ULK4: variants seen among roughly 807,000 people sequenced by gnomAD.
ULK4 encodes unc-51 like kinase 4.
Under a neutral mutation model 160.6 loss-of-function variants are expected in ULK4, and 133 were observed. The ratio of observed to expected loss-of-function variants is 0.83; its 90% CI spans 0.72 to 0.96. ULK4 has a LOEUF of 0.96. Ranked by LOEUF, ULK4 falls within the 40% of genes least tolerant of loss-of-function variation. The pLI, the probability that ULK4 is intolerant of heterozygous loss-of-function variation, is 0.00. For synonymous variants in ULK4, 534 were observed against 539.8 expected (o/e 0.99, Z 0.15); for missense variants, 1,580 against 1,499.5 (o/e 1.05, Z -0.89).
chr3:41,871,702 T>C (rs1292824009), intron 17 of ULK4, among the ~76,000 whole-genome samples: 4 of 152,228 alleles, frequency 2.6e-5, no homozygotes, highest in Non-Finnish European at 5.9e-5. Context: ...TTTTTGCTGT[T>C]GAGGTTTGAG....
intron 27 of ULK4, among the ~76,000 whole-genome samples, chr3:41,702,839 T>G (rs1304912400): frequency 6.7e-6 from 1 of 149,510 alleles, no homozygotes; most frequent in Non-Finnish European, 1.5e-5. Flanking sequence ...AAGTTTTTTT[T>G]GTTTGTTTTT....
chr3:41,726,822 A>G (rs929331302), intron 22 of ULK4, among the ~76,000 whole-genome samples: 1 of 152,024 alleles, frequency 6.6e-6, no homozygotes, highest in Non-Finnish European at 1.5e-5. Flanking sequence ...TAATTTTTAT[A>G]TTTTTAATAG....
At position 41,297,310 on chromosome 3, in the gene ULK4, G is replaced by A. The variant is rs2079689912; in HGVS notation, c.3679-47736C>T. On this transcript the variant is annotated intron_variant, in intron 35 of 36. Coordinates refer to ENST00000301831, the MANE Select transcript of ULK4 (RefSeq NM_017886.4). ...ACTGGGCGGGGGGTTGGAGGGACAT[G>A]GCTTCTTCCTGCCACAAATGCTTGG... Among the ~76,000 whole-genome samples, 3 of 152,274 alleles carry A rather than the reference G, an allele frequency of 2.0e-5. 1 individual carries two copies. In the South Asian group the frequency reaches 6.2e-4, roughly 32 times the overall value.
At chr3:41,956,849 G>A (rs1576019632) in intron 1 of ULK4, among the ~76,000 whole-genome samples, 1 of 152,244 alleles carries the variant, frequency 6.6e-6, no homozygotes, top group East Asian at 1.9e-4. Flanking sequence ...TATTGCCTAT[G>A]ACAGAGTTGA....
At chr3:41,481,861 C>T (rs2084338276) in intron 32 of ULK4, among the ~76,000 whole-genome samples, 1 of 150,800 alleles carries the variant, frequency 6.6e-6, no homozygotes, top group Non-Finnish European at 1.5e-5. Flanking sequence ...CAAAAGCATT[C>T]CTAATTTTGC....
intron 17 of ULK4, among the ~76,000 whole-genome samples, chr3:41,847,122 G>A (rs2042087789): frequency 6.6e-6 from 1 of 152,146 alleles, no homozygotes; most frequent in South Asian, 2.1e-4. Context: ...AAGTATGACT[G>A]GGTGGAGCCA....
intron 3 of ULK4, 53 bp downstream of exon 3, chr3:41,938,045 C>T (rs1699833570): frequency 1.0e-5 from 14 of 1,335,574 alleles, no homozygotes; most frequent in African/African-American, 1.5e-5. Context: ...AACTTAACAG[C>T]ATGTTTTTTT....
At chr3:41,561,223 C>T (rs140195850) in intron 32 of ULK4, among the ~76,000 whole-genome samples, 6 of 152,266 alleles carry the variant, frequency 3.9e-5, no homozygotes, top group African/African-American at 7.2e-5. Flanking sequence ...CCAACTTGAT[C>T]GTGTTGGGTA....
At chr3:41,318,649 T>C (rs1458550701) in intron 35 of ULK4, among the ~76,000 whole-genome samples, 1 of 152,190 alleles carries the variant, frequency 6.6e-6, no homozygotes, top group Non-Finnish European at 1.5e-5. Flanking sequence ...CCAGTGCTTG[T>C]GGTGTGTCCT....
chr3:41,945,295 A>G (rs17284313), intron 2 of ULK4, among the ~76,000 whole-genome samples: 3 of 152,194 alleles, frequency 2.0e-5, no homozygotes, highest in Non-Finnish European at 2.9e-5. Context: ...CACTTACATC[A>G]GTTTGGAATC....
In ULK4 at chr3:41,458,274, C is replaced by G. The variant is rs138092167; in HGVS notation, c.3394-2679G>C. Among the ~76,000 whole-genome samples, 635 of 152,228 alleles carry G rather than the reference C, an allele frequency of 4.2e-3. 6 individuals carry two copies. Among genetic ancestry groups the G allele is most frequent in the African/African-American group, 0.011 (441 of 41,544 alleles). ...TGACATTCCTTTGGAACTTGTCATC[C>G]TTTAGTTAAACCATGAGATCCTAGA... On this transcript the variant is annotated intron_variant, in intron 33 of 36. Transcript: ENST00000301831.
At chr3:41,757,598 C>T (rs1391882230) in intron 21 of ULK4, among the ~76,000 whole-genome samples, 5 of 145,014 alleles carry the variant, frequency 3.4e-5, no homozygotes, top group Non-Finnish European at 6.0e-5. Flanking sequence ...TGCCACTACA[C>T]TCCAGCCTGC....
chr3:41,436,399 T>C (rs17057270), intron 34 of ULK4, among the ~76,000 whole-genome samples: 14,826 of 152,232 alleles, frequency 0.097, 1,328 homozygotes, highest in East Asian at 0.54. Context: ...TACTATATTG[T>C]AGTACATAGT....
chr3:41,949,337 A>AC (rs1485286785), intron 2 of ULK4, among the ~76,000 whole-genome samples: 4,695 of 150,502 alleles, frequency 0.031, 114 homozygotes, highest in Non-Finnish European at 0.05. Context: ...CACACACACA[A>AC]AAAGTAAAGT....
chr3:41,922,069 C>T (rs1174413398), intron 5 of ULK4, among the ~76,000 whole-genome samples: 1 of 152,118 alleles, frequency 6.6e-6, no homozygotes, highest in Non-Finnish European at 1.5e-5. Context: ...AGGAGAATGG[C>T]ATGAACCCAG....
intron 29 of ULK4, among the ~76,000 whole-genome samples, chr3:41,677,107 C>T (rs2035748406): frequency 6.6e-6 from 1 of 151,756 alleles, no homozygotes; most frequent in African/African-American, 2.4e-5. Context: ...TGGGGTTTTG[C>T]CATGTTGCCC....
chr3:41,453,826 T>C (rs1575241645), intron 34 of ULK4, among the ~76,000 whole-genome samples: 1 of 152,154 alleles, frequency 6.6e-6, no homozygotes, highest in East Asian at 1.9e-4. Flanking sequence ...AAAAATTCCA[T>C]TTAAGGAATA....
chr3:41,879,673 T>A (rs1022577279), intron 17 of ULK4, among the ~76,000 whole-genome samples: 6 of 152,106 alleles, frequency 3.9e-5, no homozygotes, highest in African/African-American at 1.2e-4. Flanking sequence ...AGACAGGGTC[T>A]CCTTATGTTG....
At chr3:41,303,503 G>A (rs1258788477) in intron 35 of ULK4, among the ~76,000 whole-genome samples, 1 of 152,158 alleles carries the variant, frequency 6.6e-6, no homozygotes, top group Non-Finnish European at 1.5e-5. Flanking sequence ...ATTCAGTGAG[G>A]TTAGTGAGGT....
Sources: allele counts gnomAD v4.1 joint callset (sites outside exome capture counted in the v4.1 genomes callset), GRCh38; gene constraint gnomAD v4.1.1; transcripts MANE v1.5; gene names NCBI Gene and HGNC (gene_info 2026-07-23, HGNC 2026-07-21).